Variants in ADAM19 observed in about 807,000 individuals in gnomAD.
ADAM19 encodes the protein ADAM metallopeptidase domain 19.
ADAM19 carries 65 observed loss-of-function variants against 114.7 expected under a neutral mutation model. That is an observed-to-expected ratio of 0.57 (90% CI 0.46 to 0.70). The LOEUF is 0.70. Among genes scored for constraint, ADAM19 ranks in the 30% least tolerant of loss-of-function variants. ADAM19 has a pLI of 0.00. For missense variants in ADAM19, 1,063 were observed against 1,204.7 expected (o/e 0.88, Z 1.74); for synonymous variants, 466 against 460.5 (o/e 1.01, Z -0.15).
chr5:157,571,043 A>T (rs1242756687), intron 1 of ADAM19, 63 bp from the exon 2 acceptor site: 1 of 1,444,028 alleles, frequency 6.9e-7, no homozygotes. Flanking sequence ...TAAGCCACAC[A>T]TGCACTTTCT....
Position 157,537,970 on chromosome 5 carries a change from G to T in ADAM19, c.273C>A (p.Tyr91Ter). The change falls in exon 4 of 23, where the codon TAC becomes TAA. Residue 91 changes from tyrosine (Y) to a stop codon, truncating the protein, a stop_gained. Coordinates refer to ENST00000257527, the MANE Select transcript of ADAM19 (RefSeq NM_033274.5). LOFTEE classifies it high-confidence loss of function. ...CACTTGAAGTATAATGGGTTTCTGT[G>T]TAGGAAGGAGCAAAAAGTTGCCTGC... ...EKNEQLFAPS[Y>*]TETHYTSSGN... 1 of 1,614,066 alleles carries T rather than the reference G, an allele frequency of 6.2e-7. No individual in the cohort carries two copies. Among genetic ancestry groups the T allele is most frequent in the East Asian group, 2.2e-5 (1 of 44,870 alleles).
chr5:157,525,667 A>G (rs913756911), intron 5 of ADAM19, among the ~76,000 whole-genome samples: 1 of 152,026 alleles, frequency 6.6e-6, no homozygotes, highest in African/African-American at 2.4e-5. Flanking sequence ...AAAGACAAGG[A>G]AAAAATTTAA....
chr5:157,549,238 G>A (rs1378378914), intron 3 of ADAM19, among the ~76,000 whole-genome samples: 1 of 152,224 alleles, frequency 6.6e-6, no homozygotes, highest in African/African-American at 2.4e-5. Flanking sequence ...CCTGAGGCAA[G>A]AGAATGCAAC....
At chr5:157,483,830 C>T (rs369711276) in intron 21 of ADAM19, among the ~76,000 whole-genome samples, 7 of 151,910 alleles carry the variant, frequency 4.6e-5, no homozygotes, top group African/African-American at 9.7e-5. Context: ...GACGGGGTTT[C>T]GCCATGTTGG....
chr5:157,548,847 G>A (rs569384477), intron 3 of ADAM19, among the ~76,000 whole-genome samples: 1 of 152,278 alleles, frequency 6.6e-6, no homozygotes, highest in Admixed American at 6.5e-5. Flanking sequence ...CCAATTTCCA[G>A]AGAGCCTAGA....
chr5:157,498,851 GA>G (rs1201360376), intron 13 of ADAM19, among the ~76,000 whole-genome samples: 3 of 151,964 alleles, frequency 2.0e-5, no homozygotes, highest in Non-Finnish European at 2.9e-5. Context: ...CTTTAGGAGT[GA>G]TTTTTTTTTA....
intron 6 of ADAM19, 37 bp from the exon 7 acceptor site, chr5:157,518,925 T>C: frequency 6.4e-7 from 1 of 1,573,050 alleles, no homozygotes; most frequent in Non-Finnish European, 8.7e-7. Context: ...GTAGAAATAG[T>C]GGACTTGGCC....
chr5:157,562,346 G>A (rs556505929), intron 3 of ADAM19, among the ~76,000 whole-genome samples: 27 of 152,250 alleles, frequency 1.8e-4, no homozygotes, highest in South Asian at 1.2e-3. Context: ...AGCCCCATGC[G>A]GCTCAATGGG....
intron 4 of ADAM19, among the ~76,000 whole-genome samples, chr5:157,535,768 C>T (rs1247669890): frequency 6.6e-6 from 1 of 152,248 alleles, no homozygotes; most frequent in African/African-American, 2.4e-5. Context: ...GATGGGGCCA[C>T]CCCAAGGGGG....
intron 4 of ADAM19, among the ~76,000 whole-genome samples, chr5:157,537,114 C>A (rs896723897): frequency 3.3e-5 from 5 of 152,330 alleles, no homozygotes; most frequent in East Asian, 1.9e-4. Context: ...ATCCTCCCTG[C>A]CAGTCACGGC....
At chr5:157,536,500 T>G (rs894554994) in intron 4 of ADAM19, among the ~76,000 whole-genome samples, 1 of 152,140 alleles carries the variant, frequency 6.6e-6, no homozygotes, top group African/African-American at 2.4e-5. Flanking sequence ...TGGTGATGCA[T>G]GCCTGTAATC....
At chr5:157,541,629 G>A (rs1384961284) in intron 3 of ADAM19, among the ~76,000 whole-genome samples, 2 of 152,176 alleles carry the variant, frequency 1.3e-5, no homozygotes, top group Non-Finnish European at 2.9e-5. Context: ...CTCTAGGGAA[G>A]AAGAACTGGA....
At chr5:157,520,598 C>T (rs1324998092) in intron 5 of ADAM19, among the ~76,000 whole-genome samples, 1 of 152,214 alleles carries the variant, frequency 6.6e-6, no homozygotes, top group East Asian at 1.9e-4. Flanking sequence ...CATCTTAAAT[C>T]TCTCCAAGCG....
chr5:157,501,634 T>A (rs1755565342), intron 12 of ADAM19, among the ~76,000 whole-genome samples: 1 of 152,110 alleles, frequency 6.6e-6, no homozygotes, highest in African/African-American at 2.4e-5. Flanking sequence ...TACCACTCCC[T>A]CCTTTCTGAT....
chr5:157,566,104 G>C (rs972219306), intron 2 of ADAM19: 3 of 115,576 alleles, frequency 2.6e-5, no homozygotes, highest in Non-Finnish European at 5.1e-5. Flanking sequence ...GCGAGACTCT[G>C]TCTCAAAAAA....
intron 3 of ADAM19, among the ~76,000 whole-genome samples, chr5:157,541,986 A>G (rs909946584): frequency 1.3e-5 from 2 of 152,188 alleles, no homozygotes; most frequent in African/African-American, 4.8e-5. Flanking sequence ...TCATCTCAGT[A>G]GCAAGTTTTG....
chr5:157,535,009 T>C (rs1581336075), intron 4 of ADAM19, among the ~76,000 whole-genome samples: 1 of 152,116 alleles, frequency 6.6e-6, no homozygotes, highest in East Asian at 1.9e-4. Context: ...GCAAGTTACT[T>C]TTCCCCTTCT....
At chr5:157,487,749 C>G (rs1754991509) in intron 21 of ADAM19, among the ~76,000 whole-genome samples, 1 of 152,212 alleles carries the variant, frequency 6.6e-6, no homozygotes, top group African/African-American at 2.4e-5. Flanking sequence ...ATCCCTAAGA[C>G]TTTCCAATCA....
intron 3 of ADAM19, among the ~76,000 whole-genome samples, chr5:157,552,577 G>A (rs532164178): frequency 6.6e-6 from 1 of 151,600 alleles, no homozygotes. Flanking sequence ...TACTCGGGAG[G>A]CTGAGACAGG....
Sources: gnomAD v4.1 joint callset for allele counts (sites outside exome capture counted in the v4.1 genomes callset) on GRCh38, gnomAD v4.1.1 for gene constraint, MANE v1.5 for transcripts, NCBI Gene and HGNC (gene_info 2026-07-23, HGNC 2026-07-21) for gene names.